The following EPC1 variants were observed in gnomAD, a reference collection of about 807,000 sequenced individuals.
EPC1 encodes the protein enhancer of polycomb 1.
A neutral mutation model predicts 98.4 loss-of-function variants in EPC1; 12 were observed. The observed-to-expected ratio is 0.12, with a 90% CI of 0.08 to 0.20. The LOEUF (loss-of-function observed/expected upper bound fraction) is 0.20. Ranked by LOEUF, EPC1 falls within the 10% of genes least tolerant of loss-of-function variation. EPC1 has a pLI of 1.00. For synonymous variants in EPC1, 357 were observed against 363.9 expected (o/e 0.98, Z 0.21); for missense variants, 729 against 990.5 (o/e 0.74, Z 3.54).
intron 2 of EPC1, among the ~76,000 whole-genome samples, chr10:32,295,223 C>T (rs867736079): frequency 1.3e-5 from 2 of 152,232 alleles, no homozygotes; most frequent in African/African-American, 4.8e-5. Flanking sequence ...ACCTTGTATG[C>T]CACCTCTGTA....
chr10:32,321,169 T>G (rs1180069407), intron 1 of EPC1, among the ~76,000 whole-genome samples: 1 of 152,120 alleles, frequency 6.6e-6, no homozygotes, highest in Non-Finnish European at 1.5e-5. Flanking sequence ...CACCACCTGT[T>G]TTTCTAAATA....
At chr10:32,352,761 A>G (rs2133085378) in intron 1 of EPC1, among the ~76,000 whole-genome samples, 1 of 152,228 alleles carries the variant, frequency 6.6e-6, no homozygotes, top group South Asian at 2.1e-4. Context: ...CATTATCTCA[A>G]TTTTCGTGAC....
chr10:32,338,950 T>A (rs199551979), intron 1 of EPC1, among the ~76,000 whole-genome samples: 3,353 of 52,692 alleles, frequency 0.064, 98 homozygotes, highest in Middle Eastern at 0.11. Context: ...AAAAAATAAA[T>A]AAATAAATAA....
chr10:32,288,312 CTTTTTTT>C (rs5784278), intron 6 of EPC1, among the ~76,000 whole-genome samples: 15,907 of 124,118 alleles, frequency 0.13, 1,033 homozygotes, highest in Non-Finnish European at 0.16. Context: ...TTACTTTTTT[CTTTTTTT>C]TTTTTTTTTT....
At chr10:32,361,315 G>A (rs906759081) in intron 1 of EPC1, among the ~76,000 whole-genome samples, 4 of 152,242 alleles carry the variant, frequency 2.6e-5, no homozygotes, top group African/African-American at 9.6e-5. Context: ...CTATGTGCAG[G>A]CATTGTGTTG....
rs534588005 is a variant in EPC1 at position 32,286,542 on chromosome 10, A to G, written c.1391+152T>C. 20 of 912,036 alleles carry G rather than the reference A, an allele frequency of 2.2e-5. No homozygotes were observed. In the Admixed American group the frequency reaches 3.8e-4, roughly 17 times the overall value. 56.5% of individuals were successfully genotyped at this position (912,036 alleles called of 1,614,324 possible). Reference sequence around the variant, plus strand: ...TATGGATGTGTAAGAACCAGGCAGCACAGCAACAAAAATATTTTAGTCAAC... The same window carrying G: ...TATGGATGTGTAAGAACCAGGCAGCGCAGCAACAAAAATATTTTAGTCAAC... On this transcript the variant is annotated intron_variant, in intron 9 of 13. Transcript: ENST00000319778.
chr10:32,351,083 T>C (rs1839095882), upstream of EPC1, among the ~76,000 whole-genome samples: 1 of 152,180 alleles, frequency 6.6e-6, no homozygotes. Flanking sequence ...TGGTGGCTAG[T>C]GGTAACCAAA....
At chr10:32,332,493 G>T (rs536417215) in intron 1 of EPC1, among the ~76,000 whole-genome samples, 1 of 152,290 alleles carries the variant, frequency 6.6e-6, no homozygotes, top group East Asian at 1.9e-4. Context: ...CTAAGATTGG[G>T]TGATAAAAGA....
intron 1 of EPC1, among the ~76,000 whole-genome samples, chr10:32,320,560 A>G (rs138938852): frequency 1.3e-5 from 2 of 152,326 alleles, no homozygotes; most frequent in African/African-American, 2.4e-5. Flanking sequence ...TTCCAAATTA[A>G]TAATACAGAA....
chr10:32,298,624 G>A (rs1053532092), intron 2 of EPC1, among the ~76,000 whole-genome samples: 2 of 152,192 alleles, frequency 1.3e-5, no homozygotes, highest in Non-Finnish European at 2.9e-5. Flanking sequence ...CTAAGATAAA[G>A]ATATCGCTGA....
intron 6 of EPC1, among the ~76,000 whole-genome samples, chr10:32,288,687 G>A (rs1836830835): frequency 6.6e-6 from 1 of 151,992 alleles, no homozygotes; most frequent in Non-Finnish European, 1.5e-5. Flanking sequence ...ACATATAGAG[G>A]AAAGCAAATA....
At chr10:32,280,443 T>C (rs917649544) in intron 10 of EPC1, among the ~76,000 whole-genome samples, 9 of 151,052 alleles carry the variant, frequency 6.0e-5, no homozygotes, top group Non-Finnish European at 1.0e-4. Context: ...AGAGTGAAAC[T>C]GTATCTCAAA....
intron 1 of EPC1, among the ~76,000 whole-genome samples, chr10:32,322,194 TAA>T (rs1836969204): frequency 6.6e-6 from 1 of 151,548 alleles, no homozygotes; most frequent in Non-Finnish European, 1.5e-5. Context: ...CAGTTCGCAG[TAA>T]AAAGTCTGTT....
At position 32,290,505 on chromosome 10, in the gene EPC1, A is replaced by AAAAAAAAGAAAGAAAG. The variant is rs1554819136; in HGVS notation, c.975+657_975+658insCTTTCTTTCTTTTTTT. Among the ~76,000 whole-genome samples, 50 of 77,496 alleles carry AAAAAAAAGAAAGAAAG rather than the reference A, an allele frequency of 6.5e-4. 1 individual carries two copies. The highest frequency in any genetic ancestry group is 0.011 in the Middle Eastern group (1 of 90). 50.8% of individuals were successfully genotyped at this position (77,496 alleles called of 152,430 possible). On this transcript the variant is annotated intron_variant, in intron 6 of 13. Transcript: ENST00000319778. ...TGTCAAAAAAAAAAAAAAAAAAAAA[A>AAAAAAAAGAAAGAAAG]AAAGAAAGAAAGAAAAACTCATCTG...
Position 32,326,496 on chromosome 10 carries a change from A to AT in EPC1, c.153+20266dup, listed in dbSNP as rs199989935. 9.1e-3 allele frequency among the ~76,000 whole-genome samples: 1,383 copies of AT among 152,314 alleles called. 25 individuals are homozygous for AT. Among genetic ancestry groups the AT allele is most frequent in the African/African-American group, 0.029 (1,222 of 41,556 alleles). ...ACTTTGCGTATTTTATGCCACTAAG[A>AT]TTTTGAGGTTCTTGGTTATCACAGC... is the stretch of plus-strand genomic sequence containing the variant. On this transcript the variant is annotated intron_variant, in intron 1 of 13. Coordinates refer to ENST00000319778, the MANE Select transcript of EPC1 (RefSeq NM_001272004.3).
chr10:32,291,120 C>A (rs1474023749), intron 6 of EPC1, 43 bp downstream of exon 6: 2 of 1,535,694 alleles, frequency 1.3e-6, no homozygotes, highest in East Asian at 2.3e-5. Context: ...TGATAAAATA[C>A]CATCCCATTA....
intron 1 of EPC1, among the ~76,000 whole-genome samples, chr10:32,323,802 A>G (rs1837086996): frequency 6.6e-6 from 1 of 152,256 alleles, no homozygotes; most frequent in South Asian, 2.1e-4. Flanking sequence ...GATAAAGCAC[A>G]GAAAATGCCA....
At chr10:32,363,982 A>G (rs987415707) in intron 1 of EPC1, among the ~76,000 whole-genome samples, 1 of 117,830 alleles carries the variant, frequency 8.5e-6, no homozygotes, top group African/African-American at 3.1e-5. Flanking sequence ...TTATAATAGT[A>G]TCGTGTCCAT....
chr10:32,345,036 T>TA (rs1417144267), intron 1 of EPC1: 1 of 634,242 alleles, frequency 1.6e-6, no homozygotes, highest in Non-Finnish European at 2.0e-6. Flanking sequence ...CAGGGCAGGG[T>TA]AAAACCAACA....
Sources: gnomAD v4.1 joint callset for allele counts (sites outside exome capture counted in the v4.1 genomes callset) on GRCh38, gnomAD v4.1.1 for gene constraint, MANE v1.5 for transcripts, NCBI Gene and HGNC (gene_info 2026-07-23, HGNC 2026-07-21) for gene names.